The following PCSK2 variants were observed in gnomAD, a reference collection of about 807,000 sequenced individuals.
PCSK2 encodes the protein proprotein convertase subtilisin/kexin type 2, also known as neuroendocrine convertase 2.
In PCSK2, 14 loss-of-function variants were observed where a neutral mutation model predicts 69.7. The ratio of observed to expected loss-of-function variants is 0.20; its 90% CI spans 0.13 to 0.31. PCSK2 has a LOEUF of 0.31. Ranked by LOEUF, PCSK2 falls within the 10% of genes least tolerant of loss-of-function variation. PCSK2 has a pLI of 1.00. For synonymous variants in PCSK2, 307 were observed against 320.7 expected (o/e 0.96, Z 0.46); for missense variants, 544 against 842.5 (o/e 0.65, Z 4.39).
chr20:17,397,620 A>G (rs2031539870), intron 5 of PCSK2, among the ~76,000 whole-genome samples: 1 of 152,038 alleles, frequency 6.6e-6, no homozygotes, highest in Non-Finnish European at 1.5e-5. Flanking sequence ...CTGAGATTAC[A>G]GGTGCCCGCC....
chr20:17,454,086 G>T (rs2032876213), intron 9 of PCSK2, 129 bp downstream of exon 9: 1 of 1,309,488 alleles, frequency 7.6e-7, no homozygotes. Context: ...GCTCTGAAGG[G>T]AAGACCCCTT....
At position 17,392,627 on chromosome 20, in the gene PCSK2, T is replaced by C. The variant is rs568936571; in HGVS notation, c.544-16636T>C. 5.3e-5 allele frequency among the ~76,000 whole-genome samples: 8 copies of C among 152,340 alleles called. No homozygotes were observed. The East Asian group carries it at 1.5e-3, about 29-fold the overall frequency. On this transcript the variant is annotated intron_variant, in intron 5 of 11. Coordinates refer to ENST00000262545, the MANE Select transcript of PCSK2 (RefSeq NM_002594.5). ...CTCGCAGTCCTGGCAACCACAGATC[T>C]GCTTTTTATTCCTACAGTTTTGTCT...
At chr20:17,245,615 T>A (rs1986741765) in intron 1 of PCSK2, among the ~76,000 whole-genome samples, 1 of 152,176 alleles carries the variant, frequency 6.6e-6, no homozygotes, top group South Asian at 2.1e-4. Context: ...AATGCTAGCC[T>A]CATCTGTAAT....
chr20:17,442,300 G>A (rs941504702), intron 8 of PCSK2, among the ~76,000 whole-genome samples: 5 of 151,714 alleles, frequency 3.3e-5, no homozygotes, highest in East Asian at 2.0e-4. Context: ...TGACACTTCC[G>A]TCTCCAGGAT....
At chr20:17,433,994 T>C (rs1273709868) in intron 7 of PCSK2, among the ~76,000 whole-genome samples, 3 of 129,364 alleles carry the variant, frequency 2.3e-5, no homozygotes, top group Non-Finnish European at 4.9e-5. Context: ...CCTCTCTCCC[T>C]GTCCTCTCCC....
At chr20:17,312,013 GA>G (rs1199304538) in intron 2 of PCSK2, among the ~76,000 whole-genome samples, 1 of 152,170 alleles carries the variant, frequency 6.6e-6, no homozygotes, top group Non-Finnish European at 1.5e-5. Flanking sequence ...ATTCCATTCA[GA>G]TTTTATAGCC....
chr20:17,379,033 C>T (rs563052917), intron 5 of PCSK2, among the ~76,000 whole-genome samples: 1 of 152,266 alleles, frequency 6.6e-6, no homozygotes, highest in African/African-American at 2.4e-5. Flanking sequence ...TTGGCAATAA[C>T]CCCTGGCTAC....
chr20:17,331,308 C>T (rs930311178), intron 2 of PCSK2, among the ~76,000 whole-genome samples: 1 of 152,172 alleles, frequency 6.6e-6, no homozygotes, highest in Non-Finnish European at 1.5e-5. Context: ...TAACCCCGTA[C>T]AGTTTACACT....
chr20:17,409,985 GTGCGGTT>G (rs1489661207), intron 6 of PCSK2, among the ~76,000 whole-genome samples: 27 of 152,236 alleles, frequency 1.8e-4, no homozygotes, highest in Non-Finnish European at 2.9e-4. Context: ...AAATAAAGAT[GTGCGGTT>G]TGCTCAATGA....
At chr20:17,383,399 C>T (rs1765348283) in intron 5 of PCSK2, among the ~76,000 whole-genome samples, 1 of 152,168 alleles carries the variant, frequency 6.6e-6, no homozygotes. Flanking sequence ...GGGAGAAATA[C>T]TATATTTCTT....
At chr20:17,424,737 C>T (rs2032207800) in intron 6 of PCSK2, among the ~76,000 whole-genome samples, 1 of 152,122 alleles carries the variant, frequency 6.6e-6, no homozygotes, top group Admixed American at 6.5e-5. Flanking sequence ...GTGATCTACC[C>T]ACCTCAGCCT....
At chr20:17,270,169 T>G (rs1987804813) in intron 2 of PCSK2, among the ~76,000 whole-genome samples, 1 of 152,116 alleles carries the variant, frequency 6.6e-6, no homozygotes, top group Admixed American at 6.6e-5. Flanking sequence ...GAGGCAAAAG[T>G]GGTTTGAAGT....
At chr20:17,327,039 A>G (rs1327936217) in intron 2 of PCSK2, among the ~76,000 whole-genome samples, 2 of 152,220 alleles carry the variant, frequency 1.3e-5, no homozygotes, top group African/African-American at 4.8e-5. Flanking sequence ...CATCTGTGTG[A>G]AAAGACTGGA....
chr20:17,339,781 TGTCATTGCTGCCCTCG>T (rs1416217434), intron 2 of PCSK2, among the ~76,000 whole-genome samples: 2 of 152,192 alleles, frequency 1.3e-5, no homozygotes, highest in Non-Finnish European at 2.9e-5. Flanking sequence ...CCAGCTCCCC[TGTCATTGCTGCCCTCG>T]GTCTAAGGAC....
At chr20:17,448,837 G>C (rs1172554730) in intron 8 of PCSK2, among the ~76,000 whole-genome samples, 2 of 151,664 alleles carry the variant, frequency 1.3e-5, no homozygotes, top group East Asian at 3.9e-4. Context: ...CCAAAAGACT[G>C]GCAGAATTCA....
chr20:17,442,683 G>C (rs1568652231), intron 8 of PCSK2, among the ~76,000 whole-genome samples: 1 of 152,212 alleles, frequency 6.6e-6, no homozygotes, highest in Non-Finnish European at 1.5e-5. Context: ...ATGTTTCCAA[G>C]TTAGGGAGAG....
intron 5 of PCSK2, among the ~76,000 whole-genome samples, chr20:17,395,792 CAA>C (rs1360535609): frequency 6.6e-6 from 1 of 152,128 alleles, no homozygotes; most frequent in African/African-American, 2.4e-5. Context: ...GTGTTTTAGA[CAA>C]AGTTTCCAAT....
chr20:17,398,046 A>G (rs1320141742), intron 5 of PCSK2, among the ~76,000 whole-genome samples: 1 of 152,222 alleles, frequency 6.6e-6, no homozygotes, highest in East Asian at 1.9e-4. Flanking sequence ...ATATTGGGAA[A>G]GGCAATGTCT....
At chr20:17,260,933 A>AT (rs939969492) in intron 2 of PCSK2, among the ~76,000 whole-genome samples, 6 of 151,738 alleles carry the variant, frequency 4.0e-5, no homozygotes, top group Non-Finnish European at 7.4e-5. Flanking sequence ...CATCACCCCC[A>AT]TTTTTTTAAT....
Sources: allele counts gnomAD v4.1 joint callset (sites outside exome capture counted in the v4.1 genomes callset), GRCh38; gene constraint gnomAD v4.1.1; transcripts MANE v1.5; gene names NCBI Gene and HGNC (gene_info 2026-07-23, HGNC 2026-07-21).